ERC2: variants seen among roughly 807,000 people sequenced by gnomAD.
ERC2 encodes ELKS/RAB6-interacting/CAST family member 2, also known as ERC protein 2.
In ERC2, 42 loss-of-function variants were observed where a neutral mutation model predicts 114.8. The observed-to-expected ratio is 0.37, with a 90% CI of 0.29 to 0.47. The LOEUF is 0.47. Among genes scored for constraint, ERC2 ranks in the 20% least tolerant of loss-of-function variants. The pLI, the probability that ERC2 is intolerant of heterozygous loss-of-function variation, is 0.99. For synonymous variants in ERC2, 454 were observed against 425.5 expected (o/e 1.07, Z -0.82); for missense variants, 939 against 1,150.7 (o/e 0.82, Z 2.66).
chr3:56,140,578 T>C (rs1394473305), intron 5 of ERC2, among the ~76,000 whole-genome samples: 1 of 152,308 alleles, frequency 6.6e-6, no homozygotes, highest in East Asian at 1.9e-4. Context: ...CTGCTGTTGA[T>C]AGAAATTCGG....
chr3:55,989,618 C>T (rs1576471212), intron 11 of ERC2, among the ~76,000 whole-genome samples: 1 of 152,274 alleles, frequency 6.6e-6, no homozygotes, highest in East Asian at 1.9e-4. Context: ...TTCTCAATGG[C>T]TCATCTGTCA....
chr3:55,909,593 T>C (rs1292761431), intron 13 of ERC2, among the ~76,000 whole-genome samples: 2 of 152,002 alleles, frequency 1.3e-5, no homozygotes, highest in Admixed American at 6.6e-5. Context: ...AGCAGAGGAC[T>C]GAAACCTAAG....
chr3:55,597,944 C>G (rs897804520), intron 17 of ERC2, among the ~76,000 whole-genome samples: 1 of 152,164 alleles, frequency 6.6e-6, no homozygotes, highest in African/African-American at 2.4e-5. Flanking sequence ...AAACTATGTC[C>G]TTCCCCATGC....
chr3:56,156,571 G>T (rs2081733430), intron 4 of ERC2, among the ~76,000 whole-genome samples: 2 of 152,162 alleles, frequency 1.3e-5, no homozygotes, highest in South Asian at 4.2e-4. Flanking sequence ...AGGGTACTCT[G>T]AGGGTTTGGG....
At chr3:55,640,133 G>A (rs192487694) in intron 17 of ERC2, among the ~76,000 whole-genome samples, 5 of 152,300 alleles carry the variant, frequency 3.3e-5, no homozygotes, top group Admixed American at 1.3e-4. Context: ...GTCTGTGGCT[G>A]TGTTAGTGCA....
At chr3:55,727,223 T>C (rs111482667) in intron 15 of ERC2, among the ~76,000 whole-genome samples, 12 of 152,160 alleles carry the variant, frequency 7.9e-5, no homozygotes, top group Non-Finnish European at 1.6e-4. Context: ...AGGTGGTAAT[T>C]TTCTTATATT....
chr3:55,863,821 C>T (rs1559781972), intron 14 of ERC2, among the ~76,000 whole-genome samples: 1 of 151,804 alleles, frequency 6.6e-6, no homozygotes, highest in Non-Finnish European at 1.5e-5. Context: ...TCTTTTTTCA[C>T]ACTAAGTTTT....
chr3:56,129,182 G>A (rs1560220589), intron 6 of ERC2, among the ~76,000 whole-genome samples: 1 of 152,170 alleles, frequency 6.6e-6, no homozygotes, highest in Admixed American at 6.5e-5. Context: ...TTTAATTTAA[G>A]AAAGATAAAA....
At chr3:56,106,100 G>A (rs1006801670) in intron 6 of ERC2, among the ~76,000 whole-genome samples, 2 of 152,204 alleles carry the variant, frequency 1.3e-5, no homozygotes, top group South Asian at 4.1e-4. Context: ...GATCCAAACT[G>A]TATACTAATG....
At chr3:56,218,112 T>C (rs1203980718) in intron 3 of ERC2, among the ~76,000 whole-genome samples, 1 of 152,174 alleles carries the variant, frequency 6.6e-6, no homozygotes, top group Non-Finnish European at 1.5e-5. Context: ...TCAAAAGCAA[T>C]GGCAACAAAA....
intron 2 of ERC2, among the ~76,000 whole-genome samples, chr3:56,309,820 C>G (rs2056436230): frequency 6.6e-6 from 1 of 152,120 alleles, no homozygotes; most frequent in South Asian, 2.1e-4. Context: ...TATTTTGAGA[C>G]ACTGGTGGTG....
chr3:55,677,312 G>A (rs991317759), intron 17 of ERC2, among the ~76,000 whole-genome samples: 1 of 152,112 alleles, frequency 6.6e-6, no homozygotes, highest in African/African-American at 2.4e-5. Flanking sequence ...TATGTTTATA[G>A]GGTAAACATG....
chr3:55,732,188 T>A (rs1208826833), intron 15 of ERC2, among the ~76,000 whole-genome samples: 1 of 152,152 alleles, frequency 6.6e-6, no homozygotes, highest in Non-Finnish European at 1.5e-5. Flanking sequence ...ACAACATCTC[T>A]GAGGGACACT....
chr3:56,323,706 C>T (rs761570100), intron 2 of ERC2, among the ~76,000 whole-genome samples: 25 of 152,174 alleles, frequency 1.6e-4, no homozygotes, highest in Non-Finnish European at 3.4e-4. Context: ...CAGTAAATGG[C>T]CCATCTCTAC....
chr3:56,148,469 T>G (rs907018942), intron 5 of ERC2, among the ~76,000 whole-genome samples: 15 of 152,176 alleles, frequency 9.9e-5, no homozygotes, highest in African/African-American at 3.4e-4. Flanking sequence ...TGCTTTTTTG[T>G]AGAGACAGGG....
At chr3:56,073,868 T>C (rs1240942160) in intron 7 of ERC2, among the ~76,000 whole-genome samples, 1 of 152,136 alleles carries the variant, frequency 6.6e-6, no homozygotes, top group Non-Finnish European at 1.5e-5. Flanking sequence ...CTTAGAATGG[T>C]ACATAAAGAG....
At chr3:55,740,065 A>G (rs1202151610) in intron 14 of ERC2, among the ~76,000 whole-genome samples, 1 of 152,004 alleles carries the variant, frequency 6.6e-6, no homozygotes, top group Non-Finnish European at 1.5e-5. Flanking sequence ...TTAGGCTTTT[A>G]AGCTTTAACA....
In ERC2 at chr3:55,773,473, T is replaced by C. The variant is rs146208746; in HGVS notation, c.2565-38555A>G. ...CACTTATCACTATCAAAATATCATA[T>C]GCTAGGTTAAATCATACACAATTTC... On this transcript the variant is annotated intron_variant, in intron 14 of 17. Coordinates refer to ENST00000288221, the MANE Select transcript of ERC2 (RefSeq NM_015576.3). Among the ~76,000 whole-genome samples the C allele has an allele frequency of 5.4e-3, 816 of 152,362 alleles. 12 individuals are homozygous for C. Among genetic ancestry groups the C allele is most frequent in the African/African-American group, 0.018 (769 of 41,592 alleles).
intron 14 of ERC2, among the ~76,000 whole-genome samples, chr3:55,808,887 T>C (rs997962065): frequency 2.1e-4 from 32 of 150,918 alleles, no homozygotes; most frequent in African/African-American, 7.8e-4. Flanking sequence ...TGTGACCAAA[T>C]CACAAACTCT....
Sources: gnomAD v4.1 joint callset for allele counts (sites outside exome capture counted in the v4.1 genomes callset) on GRCh38, gnomAD v4.1.1 for gene constraint, MANE v1.5 for transcripts, NCBI Gene and HGNC (gene_info 2026-07-23, HGNC 2026-07-21) for gene names.